Variants in SAP130 observed in about 807,000 individuals in gnomAD.
SAP130 encodes Sin3A associated protein 130, also known as histone deacetylase complex subunit SAP130.
A neutral mutation model predicts 103.2 loss-of-function variants in SAP130; 16 were observed. The observed-to-expected ratio is 0.16, with a 90% confidence interval of 0.10 to 0.24. The LOEUF (loss-of-function observed/expected upper bound fraction) is 0.24, where lower values mean the gene tolerates loss of function less well. Ranked by LOEUF, SAP130 falls within the 10% of genes least tolerant of loss-of-function variation. The pLI, the probability that SAP130 is intolerant of heterozygous loss-of-function variation, is 1.00. For synonymous variants in SAP130, 477 were observed against 497.0 expected, an observed-to-expected ratio of 0.96 and a Z score of 0.53; for missense variants, 990 against 1,359.7, an observed-to-expected ratio of 0.73 and a Z score of 4.28.
Position 127,944,725 on chromosome 2 carries a change from C to A in SAP130, c.2901+731G>T, listed in dbSNP as rs1027626592. 4.6e-5 allele frequency among the ~76,000 whole-genome samples: 7 copies of A among 152,094 alleles called. No individual in the cohort carries two copies. The South Asian group carries it at 1.5e-3, about 32-fold the overall frequency. Reference sequence around the variant, plus strand: ...ACAGATGTGAGCCACCGTGCCTGGCCTCTACAAAAAATTTTAAAAAATCAG... The same window carrying A: ...ACAGATGTGAGCCACCGTGCCTGGCATCTACAAAAAATTTTAAAAAATCAG... On this transcript the variant is annotated intron_variant, in intron 19 of 20. Coordinates refer to ENST00000643581, the MANE Select transcript of SAP130 (RefSeq NM_001330301.2).
chr2:128,025,708 A>G (rs541613301), intron 2 of SAP130, among the ~76,000 whole-genome samples: 1 of 152,254 alleles, frequency 6.6e-6, no homozygotes, highest in Admixed American at 6.5e-5. Context: ...CAAACACTAT[A>G]CCATTTTACA....
intron 15 of SAP130, among the ~76,000 whole-genome samples, chr2:127,958,563 G>A (rs906511404): frequency 6.6e-6 from 1 of 151,510 alleles, no homozygotes; most frequent in Non-Finnish European, 1.5e-5. Context: ...ACAAAATGTA[G>A]AAGACAACAG....
At chr2:128,022,598 C>T (rs920790155) in intron 2 of SAP130, among the ~76,000 whole-genome samples, 2 of 152,120 alleles carry the variant, frequency 1.3e-5, no homozygotes, top group Non-Finnish European at 2.9e-5. Context: ...GTTCTATTTG[C>T]GCTACAACCA....
rs185628548 is a variant in SAP130, at chr2:127,953,605, T to A, written c.2422+1381A>T. 6.6e-6 allele frequency among the ~76,000 whole-genome samples: 1 copy of A among 152,254 alleles called. No homozygotes were observed. The highest frequency in any genetic ancestry group is 6.5e-5 in the Admixed American group (1 of 15,298). On this transcript the variant is annotated intron_variant, in intron 16 of 20. Coordinates refer to ENST00000643581, the MANE Select transcript of SAP130 (RefSeq NM_001330301.2). This position sits in a 1 kb window ranked among gnomAD's most constrained non-coding sequence, Gnocchi z 4.0. ...CCTGCCACTCCCCTTATTACTTAGCTCCAGCGACCTTTGGTTCTTTGCTAT... is the reference window on the plus strand; with the variant it reads ...CCTGCCACTCCCCTTATTACTTAGCACCAGCGACCTTTGGTTCTTTGCTAT...
At chr2:128,026,377 A>T (rs1685497691) in intron 1 of SAP130, 79 bp from the exon 2 acceptor site, 2 of 999,590 alleles carry the variant, frequency 2.0e-6, no homozygotes, top group Admixed American at 1.8e-5. Context: ...CATCTTTAGT[A>T]CCTATGAGAT....
intron 15 of SAP130, among the ~76,000 whole-genome samples, chr2:127,963,481 T>C (rs374998266): frequency 2.0e-5 from 3 of 152,202 alleles, no homozygotes; most frequent in Admixed American, 6.5e-5. Flanking sequence ...TCTGCCCACC[T>C]TGGCCTCCCA....
At chr2:128,027,470 C>T (rs1685601896) in intron 1 of SAP130, 1 of 960,222 alleles carries the variant, frequency 1.0e-6, no homozygotes, top group Non-Finnish European at 1.2e-6. Context: ...CCCCTCGAGG[C>T]TGAGCCAATG....
chr2:127,975,936 CTGG>C (rs1460483555), intron 15 of SAP130, among the ~76,000 whole-genome samples: 1 of 152,164 alleles, frequency 6.6e-6, no homozygotes, highest in African/African-American at 2.4e-5. Flanking sequence ...GCTCCGCCTC[CTGG>C]GTTCACGCCA....
At chr2:127,948,432 C>CG (rs928443054) in intron 18 of SAP130, among the ~76,000 whole-genome samples, 16 of 149,176 alleles carry the variant, frequency 1.1e-4, no homozygotes, top group African/African-American at 3.7e-4. Context: ...CTTTGCCTCC[C>CG]GGGTTCAAGA....
chr2:127,983,443 A>T (rs1682102066), intron 14 of SAP130, among the ~76,000 whole-genome samples: 1 of 152,212 alleles, frequency 6.6e-6, no homozygotes, highest in South Asian at 2.1e-4. Flanking sequence ...TGAAAATGGC[A>T]GTGAGGCATG....
At chr2:127,972,996 G>A (rs1681195117) in intron 15 of SAP130, among the ~76,000 whole-genome samples, 1 of 152,082 alleles carries the variant, frequency 6.6e-6, no homozygotes, top group Non-Finnish European at 1.5e-5. Flanking sequence ...GACTAACTGT[G>A]GCACCAACAC....
chr2:128,024,670 T>C (rs1685381077), intron 2 of SAP130, among the ~76,000 whole-genome samples: 1 of 147,252 alleles, frequency 6.8e-6, no homozygotes, highest in Non-Finnish European at 1.5e-5. Context: ...GAGTCCGAGA[T>C]CAGCCTGGCC....
chr2:127,976,946 G>A (rs1681505320), intron 15 of SAP130, among the ~76,000 whole-genome samples: 1 of 152,012 alleles, frequency 6.6e-6, no homozygotes, highest in African/African-American at 2.4e-5. Flanking sequence ...ATCTACATGT[G>A]TATGCAGAAA....
At chr2:128,009,098 TC>T (rs1684197347) in intron 7 of SAP130, among the ~76,000 whole-genome samples, 1 of 152,088 alleles carries the variant, frequency 6.6e-6, no homozygotes, top group Non-Finnish European at 1.5e-5. Context: ...TAATCGTGAC[TC>T]CTCTCCTTCT....
At chr2:127,999,535 T>C (rs991218516) in intron 10 of SAP130, among the ~76,000 whole-genome samples, 5 of 148,168 alleles carry the variant, frequency 3.4e-5, no homozygotes, top group Non-Finnish European at 7.4e-5. Context: ...ACCCAGGAGG[T>C]GGAGGTTGCA....
At chr2:127,981,352 T>C (rs13033377) in intron 14 of SAP130, among the ~76,000 whole-genome samples, 603 of 7,528 alleles carry the variant, frequency 0.08, 2 homozygotes, top group East Asian at 0.1. Context: ...AGTCCTCCTG[T>C]ACCCTCGACT....
At chr2:127,993,379 C>T (rs968436928) in intron 11 of SAP130, 71 bp from the exon 12 acceptor site, 6 of 1,483,628 alleles carry the variant, frequency 4.0e-6, no homozygotes, top group African/African-American at 1.4e-5. Context: ...TCCTATACCC[C>T]AGTTCCTCTT....
At chr2:128,026,432 T>C in intron 1 of SAP130, 134 bp from the exon 2 acceptor site, 1 of 621,660 alleles carries the variant, frequency 1.6e-6, no homozygotes, top group Non-Finnish European at 2.9e-6. Context: ...TTAAAAACAA[T>C]AACTTGGGAT....
At position 127,978,036 on chromosome 2, in the gene SAP130, G is replaced by A. The variant is rs1234901066; in HGVS notation, c.2012C>T (p.Pro671Leu). 1.0e-5 allele frequency: 16 copies of A among 1,551,836 alleles called. No homozygotes were observed. The highest frequency in any genetic ancestry group is 2.0e-5 in the Admixed American group (1 of 50,988). ...ACTCCGCATAGAGCTTTCCACTCGA[G>A]GACTAGCAACATCAGGAGGCTGAGG... is the stretch of plus-strand genomic sequence containing the variant. Reference protein sequence around the residue: ...IPPQPPDVASPRVESSMRSTS... With the variant: ...IPPQPPDVASLRVESSMRSTS... The change falls in exon 15 of 21, where the codon CCT (proline) becomes CTT (leucine). Residue 671 changes from proline (P) to leucine (L), a missense_variant. Physicochemically the swap from Pro to Leu is moderately conservative, Grantham distance 98 (BLOSUM62 -3). Around this residue, in one of 6 missense-constraint regions of SAP130, gnomAD observed 349 missense variants for 384.1 expected, o/e 0.91. Coordinates refer to ENST00000643581, the MANE Select transcript of SAP130 (RefSeq NM_001330301.2).
Sources: allele counts gnomAD v4.1 joint callset (sites outside exome capture counted in the v4.1 genomes callset), GRCh38; gene constraint gnomAD v4.1.1; regional missense constraint gnomAD v4.1.1; non-coding constraint Gnocchi (gnomAD v3.1); transcripts MANE v1.5; gene names NCBI Gene and HGNC (gene_info 2026-07-23, HGNC 2026-07-21).